The following MID1 variants were observed in gnomAD, a reference collection of about 807,000 sequenced individuals.
MID1 encodes E3 ubiquitin-protein ligase Midline-1.
In MID1, 7 loss-of-function variants were observed where a neutral mutation model predicts 40.4. The observed-to-expected ratio is 0.17, with a 90% CI of 0.10 to 0.33. The LOEUF is 0.33. MID1 is among the 10% of genes least tolerant of loss of function. The probability of loss-of-function intolerance (pLI) is 1.00; values close to 1 mark genes in which losing one functional copy is unlikely to be tolerated. For missense variants in MID1, 367 were observed against 558.5 expected, an observed-to-expected ratio of 0.66 and a Z score of 3.46; for synonymous variants, 229 against 221.2, an observed-to-expected ratio of 1.04 and a Z score of -0.31.
chrX:10,518,295 A>G (rs1281008295), intron 3 of MID1, among the ~76,000 whole-genome samples: 1 of 112,105 alleles, frequency 8.9e-6, no homozygotes, highest in Non-Finnish European at 1.9e-5. Flanking sequence ...GGGATGTAAC[A>G]GAGTCTGACT....
Position 10,476,050 on chromosome X carries a change from A to T in MID1, c.1014-1300T>A, listed in dbSNP as rs138331863. On this transcript the variant is annotated intron_variant, in intron 5 of 9. Coordinates refer to ENST00000317552, the MANE Select transcript of MID1 (RefSeq NM_000381.4). Reference sequence around the variant, plus strand: ...TTATTCAGCCATAAAAAGGGATGAAACACTGACACACGCTACGATGTGGAT... The same window carrying T: ...TTATTCAGCCATAAAAAGGGATGAATCACTGACACACGCTACGATGTGGAT... Among the ~76,000 whole-genome samples, 740 of 111,848 alleles carry T rather than the reference A, an allele frequency of 6.6e-3. 7 individuals are homozygous for T. The highest frequency in any genetic ancestry group is 0.022 in the African/African-American group (688 of 30,785).
intron 1 of MID1, among the ~76,000 whole-genome samples, chrX:10,757,801 TA>T (rs770163696): frequency 9.0e-6 from 1 of 111,374 alleles, no homozygotes; most frequent in Non-Finnish European, 1.9e-5. Flanking sequence ...ACAACGTAGT[TA>T]TTTATAAAGG....
intron 1 of MID1, among the ~76,000 whole-genome samples, chrX:10,713,325 A>ATTTT (rs112742852): frequency 4.1e-5 from 4 of 96,515 alleles, no homozygotes; most frequent in African/African-American, 1.5e-4. Flanking sequence ...AGAGAAGGAG[A>ATTTT]TTTTTTTTTT....
intron 1 of MID1, among the ~76,000 whole-genome samples, chrX:10,675,386 T>C (rs991936160): frequency 9.0e-5 from 10 of 111,723 alleles, no homozygotes; most frequent in Non-Finnish European, 1.9e-5. Flanking sequence ...ATTACCACCC[T>C]GTCTTGGGGA....
At chrX:10,622,957 A>G (rs921098599), upstream of MID1, among the ~76,000 whole-genome samples, 1 of 110,056 alleles carries the variant, frequency 9.1e-6, no homozygotes, top group Non-Finnish European at 1.9e-5. Flanking sequence ...TATTAGAAAC[A>G]GTGAGGCCCG....
chrX:10,578,150 A>AT (rs1934921403), intron 1 of MID1, among the ~76,000 whole-genome samples: 1 of 112,657 alleles, frequency 8.9e-6, no homozygotes, highest in South Asian at 3.6e-4. Context: ...GCAAACATAG[A>AT]TTTTTTGGCT....
At chrX:10,796,441 GA>G (rs2043968127) in intron 1 of MID1, among the ~76,000 whole-genome samples, 1 of 92,683 alleles carries the variant, frequency 1.1e-5, no homozygotes, top group African/African-American at 4.2e-5. Context: ...TTTTTTTAAT[GA>G]TTTTTTTTTT....
chrX:10,564,250 C>T (rs757066123), intron 2 of MID1, among the ~76,000 whole-genome samples: 23 of 111,732 alleles, frequency 2.1e-4, no homozygotes, highest in African/African-American at 6.5e-4. Flanking sequence ...GGTTTTGGTC[C>T]TCTTGGTATG....
chrX:10,691,059 C>T (rs1428016942), intron 1 of MID1, among the ~76,000 whole-genome samples: 1 of 111,679 alleles, frequency 9.0e-6, no homozygotes, highest in Non-Finnish European at 1.9e-5. Flanking sequence ...TTCTGGCAGT[C>T]TTCTAATACA....
At chrX:10,781,518 A>G (rs2043845678) in intron 1 of MID1, among the ~76,000 whole-genome samples, 3 of 112,382 alleles carry the variant, frequency 2.7e-5, no homozygotes, top group Admixed American at 1.9e-4. Flanking sequence ...GAGTCTTTCT[A>G]GTGCATCATA....
At position 10,684,408 on chromosome X, in the gene MID1, C is replaced by CTT. The variant is rs749267236; in HGVS notation, c.-186-63991_-186-63990dup. ...TTCTTTCTTTCTTTCTCTTTCTTTT[C>CTT]TTTTTTTTTTTTTGAAATGGAGTCT... On this transcript the variant is annotated intron_variant, in intron 1 of 10. Coordinates refer to the MID1 transcript ENST00000380785. 3.0e-3 allele frequency among the ~76,000 whole-genome samples: 280 copies of CTT among 92,341 alleles called. 2 individuals are homozygous for CTT. Among genetic ancestry groups the CTT allele is most frequent in the African/African-American group, 0.011 (261 of 24,432 alleles). The allele number at this position is 92,341 out of a possible 115,157, so 80.2% of individuals were successfully genotyped here.
intron 1 of MID1, among the ~76,000 whole-genome samples, chrX:10,754,645 G>A (rs1200542961): frequency 1.8e-5 from 2 of 110,525 alleles, no homozygotes; most frequent in South Asian, 3.8e-4. Context: ...TTCATTTCCC[G>A]AGTGAGCGAG....
chrX:10,736,195 G>A (rs2043486719), intron 1 of MID1, among the ~76,000 whole-genome samples: 1 of 110,300 alleles, frequency 9.1e-6, no homozygotes, highest in South Asian at 3.9e-4. Flanking sequence ...TAGCCAGGAT[G>A]GTCTCAATCT....
Position 10,775,708 on chromosome X carries a change from T to G in MID1, c.-187+57846A>C, listed in dbSNP as rs1309908397. ...ATAAATGGGACCCTACAAGCTAGCC[T>G]TGGCCTTCCTGAAGATCAGCAATCT... On this transcript the variant is annotated intron_variant, in intron 1 of 10. Coordinates refer to the MID1 transcript ENST00000380785. Among the ~76,000 whole-genome samples the G allele has an allele frequency of 2.7e-5, 3 of 111,745 alleles. No individual in the cohort carries two copies. The East Asian group carries it at 8.4e-4, about 31-fold the overall frequency.
Position 10,559,813 on chromosome X carries a change from C to A in MID1, c.660+7075G>T, listed in dbSNP as rs763118156. Among the ~76,000 whole-genome samples the A allele has an allele frequency of 3.6e-5, 4 of 110,734 alleles. No individual in the cohort carries two copies. In the East Asian group the frequency reaches 1.1e-3, roughly 31 times the overall value. On this transcript the variant is annotated intron_variant, in intron 2 of 9. Coordinates refer to ENST00000317552, the MANE Select transcript of MID1 (RefSeq NM_000381.4). ...GCAGGGACTGTTACTGTTCATATTA[C>A]CTTAATTAATTAAACACATATTAAT...
chrX:10,765,761 C>T (rs184428146), intron 1 of MID1, among the ~76,000 whole-genome samples: 7 of 110,020 alleles, frequency 6.4e-5, no homozygotes, highest in South Asian at 3.9e-4. Flanking sequence ...TGAAAATAAA[C>T]GGATGTTTTT....
At chrX:10,540,262 T>C (rs1933417918) in intron 2 of MID1, among the ~76,000 whole-genome samples, 1 of 111,711 alleles carries the variant, frequency 9.0e-6, no homozygotes, top group Non-Finnish European at 1.9e-5. Context: ...GGCCTTTAGA[T>C]AGTATATCCC....
intron 1 of MID1, among the ~76,000 whole-genome samples, chrX:10,599,600 T>A (rs1037429906): frequency 1.1e-4 from 12 of 112,325 alleles, no homozygotes; most frequent in Non-Finnish European, 1.9e-5. Context: ...TGCATGTTTT[T>A]AAATTTTTCC....
chrX:10,643,485 C>G (rs796228292), intron 1 of MID1, among the ~76,000 whole-genome samples: 148 of 111,721 alleles, frequency 1.3e-3, no homozygotes, highest in Middle Eastern at 9.1e-3. Context: ...ACACCAGTTA[C>G]AATGGCGATC....
Sources: allele counts gnomAD v4.1 joint callset (sites outside exome capture counted in the v4.1 genomes callset), GRCh38; gene constraint gnomAD v4.1.1; transcripts MANE v1.5; gene names NCBI Gene and HGNC (gene_info 2026-07-23, HGNC 2026-07-21).